ERC1: variants seen among roughly 807,000 people sequenced by gnomAD.
ERC1 encodes RAB6 interacting protein 2.
Under a neutral mutation model 132.0 loss-of-function variants are expected in ERC1, and 56 were observed. That is an observed-to-expected ratio of 0.42 (90% CI 0.34 to 0.53). The LOEUF is 0.53. ERC1 is among the 20% of genes least tolerant of loss of function. The pLI is 0.03. For synonymous variants in ERC1, 478 were observed against 476.1 expected, an observed-to-expected ratio of 1.00 and a Z score of -0.05; for missense variants, 1,202 against 1,349.9, an observed-to-expected ratio of 0.89 and a Z score of 1.72.
intron 11 of ERC1, among the ~76,000 whole-genome samples, chr12:1,185,346 A>G (rs1365608815): frequency 6.6e-6 from 1 of 151,936 alleles, no homozygotes; most frequent in Non-Finnish European, 1.5e-5. Flanking sequence ...AGTTATCAGA[A>G]TTTTAAAAAT....
intron 7 of ERC1, among the ~76,000 whole-genome samples, chr12:1,135,993 G>C (rs1431322814): frequency 1.3e-5 from 2 of 152,196 alleles, no homozygotes; most frequent in East Asian, 3.8e-4. Flanking sequence ...CAGGGAGACT[G>C]TTAAGATATA....
chr12:1,310,317 C>T (rs1032337920), intron 15 of ERC1, among the ~76,000 whole-genome samples: 1 of 152,134 alleles, frequency 6.6e-6, no homozygotes, highest in Admixed American at 6.5e-5. Context: ...ACCTCTGCCT[C>T]TTCCTCAGCC....
intron 18 of ERC1, among the ~76,000 whole-genome samples, chr12:1,445,451 G>A (rs780672004): frequency 4.0e-5 from 6 of 151,898 alleles, no homozygotes; most frequent in Non-Finnish European, 5.9e-5. Context: ...GGCTGGTCTC[G>A]AACTCCTGAC....
chr12:1,119,952 G>T lies in ERC1; in HGVS notation c.1569+3919G>T, dbSNP rs373331089. ...TTTTTATGACTAGGTGTTTAATTCTGTTCTCATCTGAATATGGAGGGACAT... is the reference window on the plus strand; with the variant it reads ...TTTTTATGACTAGGTGTTTAATTCTTTTCTCATCTGAATATGGAGGGACAT... On this transcript the variant is annotated intron_variant, in intron 7 of 18. Coordinates refer to ENST00000360905, the MANE Select transcript of ERC1 (RefSeq NM_178040.4). Among the ~76,000 whole-genome samples the T allele has an allele frequency of 3.3e-5, 5 of 151,728 alleles. No homozygotes were observed. The East Asian group carries it at 7.7e-4, about 23-fold the overall frequency.
intron 16 of ERC1, among the ~76,000 whole-genome samples, chr12:1,387,315 C>A (rs548514078): frequency 6.6e-6 from 1 of 152,066 alleles, no homozygotes; most frequent in African/African-American, 2.4e-5. Flanking sequence ...TGGGGTGAAC[C>A]TATGTTGTGT....
At chr12:1,354,506 A>G (rs2085337565) in intron 15 of ERC1, among the ~76,000 whole-genome samples, 1 of 149,026 alleles carries the variant, frequency 6.7e-6, no homozygotes, top group Non-Finnish European at 1.5e-5. Context: ...CTGGGCGACA[A>G]GAGTGAAACT....
chr12:1,481,296 A>G (rs2094087353), intron 18 of ERC1, among the ~76,000 whole-genome samples: 1 of 152,270 alleles, frequency 6.6e-6, no homozygotes, highest in South Asian at 2.1e-4. Context: ...CCTGTGCTGT[A>G]TAACACATTG....
chr12:1,449,128 G>A (rs1235788168), intron 18 of ERC1, among the ~76,000 whole-genome samples: 1 of 152,202 alleles, frequency 6.6e-6, no homozygotes, highest in Non-Finnish European at 1.5e-5. Flanking sequence ...CTCCCATTTG[G>A]AGTAGGTGTA....
chr12:1,242,695 G>A (rs1199706352), intron 13 of ERC1, among the ~76,000 whole-genome samples: 2 of 152,084 alleles, frequency 1.3e-5, no homozygotes, highest in East Asian at 3.8e-4. Flanking sequence ...AACAGGATTG[G>A]ACTAGGTAGT....
At chr12:1,337,242 C>T (rs2083392081) in intron 15 of ERC1, among the ~76,000 whole-genome samples, 1 of 151,962 alleles carries the variant, frequency 6.6e-6, no homozygotes, top group Non-Finnish European at 1.5e-5. Flanking sequence ...GTGTCAGGTG[C>T]ATATATATTT....
intron 17 of ERC1, among the ~76,000 whole-genome samples, chr12:1,428,478 A>G (rs1224609149): frequency 6.6e-6 from 1 of 152,162 alleles, no homozygotes; most frequent in African/African-American, 2.4e-5. Context: ...GCTCCAGTAA[A>G]TACCTAGTGT....
chr12:1,304,413 C>G (rs921962153), intron 15 of ERC1, among the ~76,000 whole-genome samples: 1 of 152,184 alleles, frequency 6.6e-6, no homozygotes. Context: ...TAGACAGAGT[C>G]CCGTGCCAAG....
intron 7 of ERC1, among the ~76,000 whole-genome samples, chr12:1,135,177 G>C (rs1165311221): frequency 6.6e-6 from 1 of 152,174 alleles, no homozygotes; most frequent in Non-Finnish European, 1.5e-5. Context: ...TTTGCTTCCT[G>C]TTCCAACCTA....
At chr12:1,487,660 C>CA (rs150043378) in intron 18 of ERC1, among the ~76,000 whole-genome samples, 6,418 of 151,144 alleles carry the variant, frequency 0.042, 455 homozygotes, top group African/African-American at 0.15. Context: ...GTCGAGGCCA[C>CA]AGTGAGCCTG....
chr12:1,446,750 A>G (rs1054476179), intron 18 of ERC1, among the ~76,000 whole-genome samples: 1 of 152,224 alleles, frequency 6.6e-6, no homozygotes, highest in African/African-American at 2.4e-5. Flanking sequence ...CTAACTAGTT[A>G]CCCATCATTT....
rs113773203 is a variant in ERC1 at position 1,353,265 on chromosome 12, C to T, written c.2781-18568C>T. On this transcript the variant is annotated intron_variant, in intron 15 of 18. Coordinates refer to ENST00000360905, the MANE Select transcript of ERC1 (RefSeq NM_178040.4). The stretch of plus-strand genomic sequence containing the variant: ...CAGGATGGTCTCGATCTCCTGACCT[C>T]GTGATCCGCCTGCCTCGGCCTCCCA... Among the ~76,000 whole-genome samples, 122 of 152,188 alleles carry T rather than the reference C, an allele frequency of 8.0e-4. 3 individuals are homozygous for T. The highest frequency in any genetic ancestry group is 2.8e-3 in the African/African-American group (115 of 41,534).
intron 17 of ERC1, among the ~76,000 whole-genome samples, chr12:1,440,418 G>T (rs560296311): frequency 2.7e-5 from 4 of 150,554 alleles, no homozygotes; most frequent in Admixed American, 2.0e-4. Flanking sequence ...GTGTTAGCCA[G>T]GATGGTCTCG....
At chr12:1,029,109 C>T (rs536110120) in intron 2 of ERC1, among the ~76,000 whole-genome samples, 1 of 152,068 alleles carries the variant, frequency 6.6e-6, no homozygotes. Flanking sequence ...AATCCCAGCA[C>T]TTGGGAGGCC....
intron 15 of ERC1, among the ~76,000 whole-genome samples, chr12:1,314,181 T>A (rs2081523718): frequency 6.6e-6 from 1 of 152,054 alleles, no homozygotes; most frequent in South Asian, 2.1e-4. Flanking sequence ...TATAAAGCCT[T>A]AAGAAAAATA....
Sources: allele counts gnomAD v4.1 joint callset (sites outside exome capture counted in the v4.1 genomes callset), GRCh38; gene constraint gnomAD v4.1.1; transcripts MANE v1.5; gene names NCBI Gene and HGNC (gene_info 2026-07-23, HGNC 2026-07-21).